The following PLPPR5 variants were observed in gnomAD, a reference collection of about 807,000 sequenced individuals.
The protein encoded by PLPPR5 is phospholipid phosphatase-related protein type 5.
PLPPR5 carries 16 observed loss-of-function variants against 33.9 expected under a neutral mutation model. The observed-to-expected ratio is 0.47, with a 90% CI of 0.32 to 0.72. PLPPR5 has a LOEUF of 0.72. Ranked by LOEUF, PLPPR5 falls within the 30% of genes least tolerant of loss-of-function variation. The pLI, the probability that PLPPR5 is intolerant of heterozygous loss-of-function variation, is 0.03. For missense variants in PLPPR5, 301 were observed against 406.7 expected, an observed-to-expected ratio of 0.74 and a Z score of 2.23; for synonymous variants, 163 against 150.3, an observed-to-expected ratio of 1.08 and a Z score of -0.62.
chr1:98,978,794 C>A (rs557092258), intron 1 of PLPPR5, among the ~76,000 whole-genome samples: 1 of 152,098 alleles, frequency 6.6e-6, no homozygotes, highest in South Asian at 2.1e-4. Context: ...CATAAGGAAA[C>A]TGAGAATCAA....
chr1:98,944,055 G>C (rs1171332182), intron 3 of PLPPR5, among the ~76,000 whole-genome samples: 2 of 152,146 alleles, frequency 1.3e-5, no homozygotes, highest in African/African-American at 2.4e-5. Flanking sequence ...TTATATACAA[G>C]ACATCATGCT....
At chr1:98,922,939 C>G (rs926645156) in intron 3 of PLPPR5, among the ~76,000 whole-genome samples, 4 of 151,702 alleles carry the variant, frequency 2.6e-5, no homozygotes, top group Admixed American at 6.6e-5. Flanking sequence ...GAGCTGAGAT[C>G]GTGCCACTGC....
At chr1:98,955,153 C>T (rs1306741198) in intron 2 of PLPPR5, among the ~76,000 whole-genome samples, 1 of 152,064 alleles carries the variant, frequency 6.6e-6, no homozygotes, top group Non-Finnish European at 1.5e-5. Context: ...TGATGCTTCG[C>T]TTACATGCTT....
chr1:98,911,570 A>G (rs1214111491), intron 5 of PLPPR5, among the ~76,000 whole-genome samples: 2 of 152,218 alleles, frequency 1.3e-5, no homozygotes, highest in Admixed American at 1.3e-4. Flanking sequence ...AATGATATAT[A>G]TGAATATTTG....
chr1:98,958,702 C>T (rs997075844), intron 1 of PLPPR5, among the ~76,000 whole-genome samples: 11 of 152,164 alleles, frequency 7.2e-5, no homozygotes, highest in African/African-American at 2.4e-4. Context: ...TTCTGAATAA[C>T]GTTTTTCTCA....
At chr1:98,923,309 T>G (rs1187764054) in intron 3 of PLPPR5, among the ~76,000 whole-genome samples, 2 of 152,224 alleles carry the variant, frequency 1.3e-5, no homozygotes, top group Non-Finnish European at 2.9e-5. Flanking sequence ...ACTTTGATAA[T>G]ATAATCAGAT....
At chr1:98,960,898 C>A (rs892826597) in intron 1 of PLPPR5, among the ~76,000 whole-genome samples, 3 of 152,172 alleles carry the variant, frequency 2.0e-5, no homozygotes, top group Non-Finnish European at 4.4e-5. Flanking sequence ...CTCCTCCTAG[C>A]CAATGACTAA....
chr1:98,925,621 C>CT (rs1208378021), intron 3 of PLPPR5, among the ~76,000 whole-genome samples: 37 of 152,220 alleles, frequency 2.4e-4, no homozygotes, highest in African/African-American at 8.9e-4. Context: ...AATATACATC[C>CT]TTTTTTGTGT....
chr1:98,946,842 A>G (rs1650574747), intron 3 of PLPPR5, among the ~76,000 whole-genome samples: 2 of 152,164 alleles, frequency 1.3e-5, no homozygotes, highest in South Asian at 4.1e-4. Context: ...TTTTTTTTAG[A>G]AGCGGAAGGT....
chr1:98,979,556 ATTGT>A (rs1651983994), intron 1 of PLPPR5, among the ~76,000 whole-genome samples: 1 of 152,092 alleles, frequency 6.6e-6, no homozygotes, highest in African/African-American at 2.4e-5. Context: ...GTAAGGTCAG[ATTGT>A]TTGGTTCCAT....
At chr1:98,902,544 A>G (rs1032055141) in intron 5 of PLPPR5, among the ~76,000 whole-genome samples, 1 of 152,074 alleles carries the variant, frequency 6.6e-6, no homozygotes, top group Non-Finnish European at 1.5e-5. Context: ...GTCATTGCTT[A>G]TTTACCTAGT....
chr1:98,991,377 A>C (rs1652446018), intron 1 of PLPPR5: 1 of 152,162 alleles, frequency 6.6e-6, no homozygotes, highest in Non-Finnish European at 1.5e-5. Context: ...AAAAAAAAAT[A>C]GCATGCAAAA....
At chr1:98,951,184 T>C (rs1486962063) in intron 3 of PLPPR5, among the ~76,000 whole-genome samples, 3 of 152,174 alleles carry the variant, frequency 2.0e-5, no homozygotes, top group Admixed American at 6.5e-5. Flanking sequence ...GAGTGAAAAG[T>C]ACTTTGTGAC....
At chr1:98,909,287 G>A (rs960838598) in intron 5 of PLPPR5, among the ~76,000 whole-genome samples, 9 of 105,832 alleles carry the variant, frequency 8.5e-5, no homozygotes, top group South Asian at 3.4e-4. Flanking sequence ...TCCCTTCCCC[G>A]CCTCCCCTCC....
intron 5 of PLPPR5, among the ~76,000 whole-genome samples, chr1:98,900,285 G>A (rs4612643): frequency 0.61 from 92,498 of 151,844 alleles, 28,357 homozygotes; most frequent in East Asian, 0.74. Flanking sequence ...AAACCGTTGC[G>A]TGAGCTGGAT....
chr1:98,934,526 T>C (rs1043514587), intron 3 of PLPPR5, among the ~76,000 whole-genome samples: 1 of 152,216 alleles, frequency 6.6e-6, no homozygotes, highest in Non-Finnish European at 1.5e-5. Context: ...GTCTTTCCCA[T>C]GTCCTGGATA....
At position 98,892,954 on chromosome 1, in the gene PLPPR5, A is replaced by G; in HGVS notation, c.*118T>C. The G allele has an allele frequency of 2.0e-6, 2 of 990,544 alleles. No homozygotes were observed. Among genetic ancestry groups the G allele is most frequent in the Non-Finnish European group, 3.0e-6 (2 of 657,358 alleles). 61.4% of individuals were successfully genotyped at this position (990,544 alleles called of 1,614,324 possible). ...ATAGGTTGACATTGATTTTAAAATT[A>G]TAAAAATTATTAAACAACTTTATAA... is the stretch of plus-strand genomic sequence containing the variant. On this transcript the variant is annotated 3_prime_UTR_variant, in exon 6 of 6. Transcript: ENST00000263177.
Position 99,004,504 on chromosome 1 carries a change from G to A in PLPPR5, c.168C>T (p.Gly56=). 1 of 1,613,198 alleles carries A rather than the reference G, an allele frequency of 6.2e-7. No individual in the cohort carries two copies. Among genetic ancestry groups the A allele is most frequent in the Non-Finnish European group, 8.5e-7 (1 of 1,179,836 alleles). ...HDSAYRKPYP[G]PEDSSAVPPV... ...GGGGCACGGCGCTGCTGTCCTCCGG[G>A]CCCGGGTAGGGTTTGCGGTAGGCGC... is the stretch of plus-strand genomic sequence containing the variant. Residue 56 remains glycine (G), a synonymous_variant, in exon 1 of 6, where the codon GGC becomes GGT. Coordinates refer to ENST00000263177, the MANE Select transcript of PLPPR5 (RefSeq NM_001037317.2).
intron 1 of PLPPR5, among the ~76,000 whole-genome samples, chr1:98,981,457 G>A (rs761259044): frequency 4.6e-5 from 7 of 151,984 alleles, no homozygotes; most frequent in African/African-American, 9.7e-5. Context: ...CTTCACTTCC[G>A]TGACTAGCAA....
Sources: gnomAD v4.1 joint callset for allele counts (sites outside exome capture counted in the v4.1 genomes callset) on GRCh38, gnomAD v4.1.1 for gene constraint, MANE v1.5 for transcripts, NCBI Gene and HGNC (gene_info 2026-07-23, HGNC 2026-07-21) for gene names.